The following CCND2 variants were observed in gnomAD, a reference collection of about 807,000 sequenced individuals.
The protein encoded by CCND2 is G1/S-specific cyclin-D2.
A neutral mutation model predicts 30.2 loss-of-function variants in CCND2; 6 were observed. That is an observed-to-expected ratio of 0.20 (90% confidence interval 0.11 to 0.39). The LOEUF (loss-of-function observed/expected upper bound fraction) is 0.39, where lower values mean the gene tolerates loss of function less well. Ranked by LOEUF, CCND2 falls within the 10% of genes least tolerant of loss-of-function variation. The pLI is 1.00. For missense variants in CCND2, 235 were observed against 373.4 expected (o/e 0.63, Z 3.06); for synonymous variants, 150 against 153.1 (o/e 0.98, Z 0.15).
rs180828876 is a variant in CCND2, at chr12:4,276,599, C to T, written c.411+379C>T. Among the ~76,000 whole-genome samples, 1 of 152,302 alleles carries T rather than the reference C, an allele frequency of 6.6e-6. No homozygotes were observed. Among genetic ancestry groups the T allele is most frequent in the African/African-American group, 2.4e-5 (1 of 41,556 alleles). On this transcript the variant is annotated intron_variant, in intron 2 of 4. Transcript: ENST00000261254. This position sits in a 1 kb window ranked among gnomAD's most constrained non-coding sequence, Gnocchi z 4.8. ...TCCAAAAATAGTCTGAGAACGTGTT[C>T]ACATGATAGGTATGTGGCTGTGGTG...
At chr12:4,280,915 G>C (rs1429873767) in intron 3 of CCND2, among the ~76,000 whole-genome samples, 1 of 152,214 alleles carries the variant, frequency 6.6e-6, no homozygotes, top group Admixed American at 6.5e-5. Context: ...ATTCCGTCTA[G>C]ACCCATTCTC....
Position 4,276,246 on chromosome 12 carries a change from C to A in CCND2, c.411+26C>A. ...GTAATGACCGGCCCCTTCCTCCCTT[C>A]CTTTCTGCGATTCCCGCTTTCCCCT... On this transcript the variant is annotated intron_variant, in intron 2 of 4. Coordinates refer to ENST00000261254, the MANE Select transcript of CCND2 (RefSeq NM_001759.4). This position sits in a 1 kb window ranked among gnomAD's most constrained non-coding sequence, Gnocchi z 4.8. 6.3e-7 allele frequency: 1 copy of A among 1,592,174 alleles called. No individual in the cohort carries two copies. Among genetic ancestry groups the A allele is most frequent in the Non-Finnish European group, 8.6e-7 (1 of 1,162,384 alleles).
chr12:4,275,715 G>T (rs2120520981), intron 1 of CCND2, among the ~76,000 whole-genome samples: 1 of 148,862 alleles, frequency 6.7e-6, no homozygotes, highest in Non-Finnish European at 1.5e-5. Flanking sequence ...GAGCGTCGCG[G>T]AGCTGCCGCG....
At position 4,274,049 on chromosome 12, in the gene CCND2, G is replaced by A. The variant is rs2120512946; in HGVS notation, c.9G>A (p.Leu3=). ME[L]LCHEVDPVRR... is the part of the protein sequence containing the mutation. The stretch of plus-strand genomic sequence containing the variant: ...GGGCCGCCGGGCTGGCCATGGAGCT[G>A]CTGTGCCACGAGGTGGACCCGGTCC... Residue 3 remains leucine, a synonymous_variant, in exon 1 of 5, where the codon CTG becomes CTA. Transcript: ENST00000261254. The surrounding 1 kb of genome is among the most constrained non-coding windows in gnomAD (Gnocchi z 7.7). 1 of 1,611,606 alleles carries A rather than the reference G, an allele frequency of 6.2e-7. No homozygotes were observed.
At chr12:4,297,385 A>G (rs1030058692) in intron 4 of CCND2, among the ~76,000 whole-genome samples, 3 of 152,056 alleles carry the variant, frequency 2.0e-5, no homozygotes, top group Non-Finnish European at 4.4e-5. Context: ...AGCCTGGCCA[A>G]TCTGGTGAAA....
Position 4,273,879 on chromosome 12 carries a change from C to T in CCND2, c.-162C>T, listed in dbSNP as rs1863820270. On this transcript the variant is annotated 5_prime_UTR_variant, in exon 1 of 5. Coordinates refer to ENST00000261254, the MANE Select transcript of CCND2 (RefSeq NM_001759.4). The surrounding 1 kb of genome is among the most constrained non-coding windows in gnomAD (Gnocchi z 5.9). Reference sequence around the variant, plus strand: ...ACCCAATCCTCGCCTCCCTTCTGCTCCACCTTCTCTCTCTGCCCTCACCTC... The same window carrying T: ...ACCCAATCCTCGCCTCCCTTCTGCTTCACCTTCTCTCTCTGCCCTCACCTC... 5 of 688,106 alleles carry T rather than the reference C, an allele frequency of 7.3e-6. No homozygotes were observed. In the Admixed American group the frequency reaches 1.5e-4, roughly 20 times the overall value. The allele number at this position is 688,106 out of a possible 1,614,324, so 42.6% of individuals were successfully genotyped here.
At position 4,303,837 on chromosome 12, in the gene CCND2, T is replaced by C; in HGVS notation, c.*3828T>C. ...CACAGCATGCCTTACTACTGGGTCA[T>C]CCTTGGTCTATGTGCTCTGTACTGG... On this transcript the variant is annotated 3_prime_UTR_variant, in exon 5 of 5. Coordinates refer to ENST00000261254, the MANE Select transcript of CCND2 (RefSeq NM_001759.4). The surrounding 1 kb of genome is among the most constrained non-coding windows in gnomAD (Gnocchi z 4.6). 4.3e-6 allele frequency: 1 copy of C among 233,294 alleles called. No homozygotes were observed. The highest frequency in any genetic ancestry group is 8.5e-6 in the Non-Finnish European group (1 of 118,046). The allele number at this position is 233,294 out of a possible 1,614,324, so 14.5% of individuals were successfully genotyped here.
intron 3 of CCND2, among the ~76,000 whole-genome samples, chr12:4,284,347 T>G (rs1481804680): frequency 2.6e-5 from 4 of 152,214 alleles, no homozygotes; most frequent in African/African-American, 9.7e-5. Flanking sequence ...CTTCACACAC[T>G]TGGTAGGTGG....
At chr12:4,289,399 G>A (rs1019461057) in intron 4 of CCND2, among the ~76,000 whole-genome samples, 1 of 152,170 alleles carries the variant, frequency 6.6e-6, no homozygotes, top group Non-Finnish European at 1.5e-5. Flanking sequence ...GGAGAGCCAG[G>A]ACTCAGCTGC....
chr12:4,294,275 G>T (rs1864136955), intron 4 of CCND2, among the ~76,000 whole-genome samples: 1 of 151,536 alleles, frequency 6.6e-6, no homozygotes, highest in Admixed American at 6.6e-5. Context: ...GGGGGCGGGG[G>T]CAGCCAGGAG....
In CCND2 at chr12:4,305,168, A is replaced by G; in HGVS notation, c.*5159A>G. The G allele has an allele frequency of 4.3e-6, 1 of 233,404 alleles. No individual in the cohort carries two copies. Among genetic ancestry groups the G allele is most frequent in the East Asian group, 6.0e-5 (1 of 16,530 alleles). 14.5% of individuals were successfully genotyped at this position (233,404 alleles called of 1,614,324 possible). ...AAGGTTTTTAGGAAGTATGGCAAAA[A>G]TGTTGTATTGGCTATGATGGTGACA... is the stretch of plus-strand genomic sequence containing the variant. On this transcript the variant is annotated 3_prime_UTR_variant, in exon 5 of 5. Transcript: ENST00000261254. This position sits in a 1 kb window ranked among gnomAD's most constrained non-coding sequence, Gnocchi z 6.4.
intron 4 of CCND2, among the ~76,000 whole-genome samples, chr12:4,296,600 G>A (rs912484594): frequency 6.8e-4 from 103 of 152,202 alleles, no homozygotes; most frequent in African/African-American, 2.5e-3. Flanking sequence ...CTTATGCTTT[G>A]GGTAGGATTT....
At chr12:4,289,315 T>G (rs1418423200) in intron 4 of CCND2, among the ~76,000 whole-genome samples, 9 of 151,992 alleles carry the variant, frequency 5.9e-5, no homozygotes, top group African/African-American at 2.2e-4. Flanking sequence ...GCTGCCAGGC[T>G]GCCTCTGCCC....
intron 4 of CCND2, among the ~76,000 whole-genome samples, chr12:4,292,221 A>C (rs1174969416): frequency 3.9e-5 from 6 of 152,172 alleles, no homozygotes; most frequent in Non-Finnish European, 8.8e-5. Flanking sequence ...TTCTCGGGCC[A>C]CGCTATGAAA....
Position 4,291,397 on chromosome 12 carries a change from G to A in CCND2, c.720+2407G>A, listed in dbSNP as rs144009754. ...TCCTGAGCTCTGTTTACCATTTCAC[G>A]AGTCACGAAGTGGTGTATTTCCTTC... On this transcript the variant is annotated intron_variant, in intron 4 of 4. Transcript: ENST00000261254. Among the ~76,000 whole-genome samples, 48 of 152,226 alleles carry A rather than the reference G, an allele frequency of 3.2e-4. No homozygotes were observed. In the East Asian group the frequency reaches 9.1e-3, roughly 29 times the overall value.
At chr12:4,283,288 G>A (rs375404963) in intron 3 of CCND2, among the ~76,000 whole-genome samples, 1 of 152,132 alleles carries the variant, frequency 6.6e-6, no homozygotes. Flanking sequence ...TGCTGGTGCC[G>A]GGGCTGCGGC....
In CCND2 at chr12:4,288,998, G is replaced by A. The variant is rs1319936239; in HGVS notation, c.720+8G>A. ...ATCACCAACACAGACGTGGTAGGTG[G>A]CCACCACCTTCTTGGCTAAGTCCAG... On this transcript the variant is annotated splice_region_variant and intron_variant, in intron 4 of 4. Transcript: ENST00000261254. The A allele has an allele frequency of 6.2e-6, 10 of 1,605,430 alleles. No homozygotes were observed. Among genetic ancestry groups the A allele is most frequent in the Non-Finnish European group, 8.5e-6 (10 of 1,175,602 alleles).
chr12:4,304,687 G>A lies in CCND2; in HGVS notation c.*4678G>A, dbSNP rs1188784658. 4.3e-6 allele frequency: 1 copy of A among 233,480 alleles called. No individual in the cohort carries two copies. Among genetic ancestry groups the A allele is most frequent in the East Asian group, 6.0e-5 (1 of 16,600 alleles). 14.5% of individuals were successfully genotyped at this position (233,480 alleles called of 1,614,324 possible). On this transcript the variant is annotated 3_prime_UTR_variant, in exon 5 of 5. Transcript: ENST00000261254. This position sits in a 1 kb window ranked among gnomAD's most constrained non-coding sequence, Gnocchi z 6.2. ...ATCAGCAAATGTGTACGTGCATGCTGTAGCTGCAGCCTGCATCCCTTCGCC... is the reference window on the plus strand; with the variant it reads ...ATCAGCAAATGTGTACGTGCATGCTATAGCTGCAGCCTGCATCCCTTCGCC...
chr12:4,304,473 T>C lies in CCND2; in HGVS notation c.*4464T>C, dbSNP rs1864290280. 4.3e-6 allele frequency: 1 copy of C among 233,686 alleles called. No homozygotes were observed. Among genetic ancestry groups the C allele is most frequent in the Non-Finnish European group, 8.5e-6 (1 of 118,018 alleles). 14.5% of individuals were successfully genotyped at this position (233,686 alleles called of 1,614,324 possible). A position where few individuals can be genotyped will look rare whatever the true frequency, so the allele number is the denominator to read the frequency against. On this transcript the variant is annotated 3_prime_UTR_variant, in exon 5 of 5. Transcript: ENST00000261254. This position sits in a 1 kb window ranked among gnomAD's most constrained non-coding sequence, Gnocchi z 6.2. ...AGCTGTTCATGCAGCCATCCATTTG[T>C]GCAAAATAGGGTAAGAAGATTCAAG...
Sources: allele counts gnomAD v4.1 joint callset (sites outside exome capture counted in the v4.1 genomes callset), GRCh38; gene constraint gnomAD v4.1.1; non-coding constraint Gnocchi (gnomAD v3.1); transcripts MANE v1.5; gene names NCBI Gene and HGNC (gene_info 2026-07-23, HGNC 2026-07-21).